The following PLXNA2 variants were observed in gnomAD, a reference collection of about 807,000 sequenced individuals.
The protein encoded by PLXNA2 is plexin A2.
A neutral mutation model predicts 193.5 loss-of-function variants in PLXNA2; 91 were observed. The ratio of observed to expected loss-of-function variants is 0.47; its 90% CI spans 0.40 to 0.56. The LOEUF (loss-of-function observed/expected upper bound fraction) is 0.56, where lower values mean the gene tolerates loss of function less well. PLXNA2 is among the 20% of genes least tolerant of loss of function. The probability of loss-of-function intolerance (pLI) is 0.00; values close to 1 mark genes in which losing one functional copy is unlikely to be tolerated. For synonymous variants in PLXNA2, 997 were observed against 1,027.3 expected, an observed-to-expected ratio of 0.97 and a Z score of 0.56; for missense variants, 1,995 against 2,503.2, an observed-to-expected ratio of 0.80 and a Z score of 4.33.
At chr1:208,138,318 A>G (rs571229654) in intron 4 of PLXNA2, among the ~76,000 whole-genome samples, 2 of 152,236 alleles carry the variant, frequency 1.3e-5, no homozygotes, top group Non-Finnish European at 1.5e-5. Context: ...GTGTTAGATG[A>G]TTTTGCCCAA....
intron 3 of PLXNA2, among the ~76,000 whole-genome samples, chr1:208,202,023 G>A (rs565793912): frequency 4.5e-4 from 67 of 149,358 alleles, no homozygotes; most frequent in African/African-American, 1.6e-3. Flanking sequence ...GTGTCCCCCA[G>A]CTTGGAATGC....
rs547924785 is a variant in PLXNA2, at chr1:208,207,521, C to T, written c.1371+2759G>A. ...CTAAACTTACATACACAGGGACATCCTGTTCCTACAGACCACAGTAGATGA... is the reference window on the plus strand; with the variant it reads ...CTAAACTTACATACACAGGGACATCTTGTTCCTACAGACCACAGTAGATGA... On this transcript the variant is annotated intron_variant, in intron 3 of 31. Transcript: ENST00000367033. Among the ~76,000 whole-genome samples, 5 of 152,336 alleles carry T rather than the reference C, an allele frequency of 3.3e-5. No homozygotes were observed. The South Asian group carries it at 1.0e-3, about 32-fold the overall frequency.
At chr1:208,126,478 A>T (rs953343316) in intron 4 of PLXNA2, among the ~76,000 whole-genome samples, 3 of 152,188 alleles carry the variant, frequency 2.0e-5, no homozygotes, top group African/African-American at 7.2e-5. Flanking sequence ...AGATCTTTTT[A>T]AAAAGATGTT....
intron 3 of PLXNA2, among the ~76,000 whole-genome samples, chr1:208,158,298 C>G (rs938941315): frequency 8.5e-5 from 13 of 152,184 alleles, no homozygotes; most frequent in African/African-American, 3.1e-4. Context: ...TTGTCTCTCT[C>G]CCATCAATCC....
At chr1:208,052,671 G>T (rs759907197) in intron 14 of PLXNA2, among the ~76,000 whole-genome samples, 6 of 152,154 alleles carry the variant, frequency 3.9e-5, no homozygotes, top group Non-Finnish European at 7.4e-5. Context: ...GAAGGCAGAA[G>T]AGTCATGTGG....
chr1:208,128,801 A>C (rs1202533260), intron 4 of PLXNA2, among the ~76,000 whole-genome samples: 2 of 145,328 alleles, frequency 1.4e-5, no homozygotes, highest in Non-Finnish European at 3.0e-5. Flanking sequence ...TCCAGGGTTC[A>C]CACCATTCTC....
chr1:208,110,184 A>C (rs1318762557), intron 4 of PLXNA2, among the ~76,000 whole-genome samples: 1 of 152,154 alleles, frequency 6.6e-6, no homozygotes, highest in Non-Finnish European at 1.5e-5. Flanking sequence ...CCCTCTGGGG[A>C]AAGTCCAGGC....
chr1:208,170,353 G>C (rs1300571410), intron 3 of PLXNA2, among the ~76,000 whole-genome samples: 1 of 152,230 alleles, frequency 6.6e-6, no homozygotes, highest in Non-Finnish European at 1.5e-5. Flanking sequence ...TTTGTGACTG[G>C]AGGCTGGGGA....
At chr1:208,067,948 C>G (rs1665850872) in intron 12 of PLXNA2, among the ~76,000 whole-genome samples, 1 of 152,108 alleles carries the variant, frequency 6.6e-6, no homozygotes, top group Non-Finnish European at 1.5e-5. Context: ...AATGCCTACC[C>G]ATCCTCAAGT....
chr1:208,203,235 G>A (rs958545474), intron 3 of PLXNA2, among the ~76,000 whole-genome samples: 16 of 152,166 alleles, frequency 1.1e-4, no homozygotes, highest in Admixed American at 5.9e-4. Context: ...GCTTGGCGGC[G>A]GGAGCCCGGG....
At position 208,028,129 on chromosome 1, in the gene PLXNA2, G is replaced by A; in HGVS notation, c.5469C>T (p.Ala1823=). ...AGGCATTCATGTCCTGGTCACTGAT[G>A]GCTGGGAGCTTGGCGATGTCTGCGT... ...RYYADIAKLP[A]ISDQDMNAYL... The change falls in exon 31 of 32, where the codon GCC becomes GCT. Residue 1823 remains alanine (A), a synonymous_variant. Coordinates refer to ENST00000367033, the MANE Select transcript of PLXNA2 (RefSeq NM_025179.4). The surrounding 1 kb of genome is among the most constrained non-coding windows in gnomAD (Gnocchi z 4.2). 1 of 1,613,266 alleles carries A rather than the reference G, an allele frequency of 6.2e-7. No individual in the cohort carries two copies. The highest frequency in any genetic ancestry group is 8.5e-7 in the Non-Finnish European group (1 of 1,179,600).
At chr1:208,035,241 G>A (rs754260830) in intron 26 of PLXNA2, among the ~76,000 whole-genome samples, 13 of 152,134 alleles carry the variant, frequency 8.5e-5, no homozygotes, top group Non-Finnish European at 1.0e-4. Flanking sequence ...TTCATACATG[G>A]TAGAGCCAAT....
chr1:208,038,448 C>T lies in PLXNA2; in HGVS notation c.4687G>A (p.Val1563Ile). 6.2e-7 allele frequency: 1 copy of T among 1,614,130 alleles called. No individual in the cohort carries two copies. The highest frequency in any genetic ancestry group is 1.1e-5 in the South Asian group (1 of 91,074). Residue 1563 changes from valine (V) to isoleucine (I), a missense_variant, in exon 26 of 32, where the codon GTC becomes ATC. Val to Ile is a conservative substitution (Grantham distance 29). Around this residue, in one of 3 missense-constraint regions of PLXNA2, gnomAD observed 1,291 missense variants for 1,673.6 expected, o/e 0.77. Coordinates refer to ENST00000367033, the MANE Select transcript of PLXNA2 (RefSeq NM_025179.4). This position sits in a 1 kb window ranked among gnomAD's most constrained non-coding sequence, Gnocchi z 4.1. The stretch of plus-strand genomic sequence containing the variant: ...GTGATGTCCTCATCTTGCAGCACGA[C>T]CCGGGCGATCCGGCCTTGGCGCCAC... The part of the protein sequence containing the change: ...LEWRQGRIAR[V>I]VLQDEDITTK...
At chr1:208,235,279 G>C (rs1671817995) in intron 1 of PLXNA2, among the ~76,000 whole-genome samples, 1 of 152,162 alleles carries the variant, frequency 6.6e-6, no homozygotes, top group East Asian at 1.9e-4. Context: ...TTAGCATAGA[G>C]ATTTTCTTTA....
intron 1 of PLXNA2, among the ~76,000 whole-genome samples, chr1:208,227,367 C>T (rs1173325423): frequency 1.3e-5 from 2 of 152,208 alleles, no homozygotes; most frequent in Non-Finnish European, 2.9e-5. Context: ...TGACTATCCC[C>T]ATTTCACAGA....
In PLXNA2 at chr1:208,039,765, C is replaced by A; in HGVS notation, c.4356G>T (p.Glu1452Asp). ...FAFLLHKFLKECAGEPLFMLY... is the reference protein window; with the variant it reads ...FAFLLHKFLKDCAGEPLFMLY... Reference sequence around the variant, plus strand: ...GCATGAAGAGTGGCTCCCCTGCGCACTCCTGTGGGCACAGACAGGGCAGGA... The same window carrying A: ...GCATGAAGAGTGGCTCCCCTGCGCAATCCTGTGGGCACAGACAGGGCAGGA... Residue 1452 changes from glutamate (E) to aspartate (D), a missense_variant and splice_region_variant, in exon 24 of 32, where the codon GAG (glutamate) becomes GAT (aspartate). Physicochemically the swap from Glu to Asp is conservative, Grantham distance 45. Around this residue, in one of 3 missense-constraint regions of PLXNA2, gnomAD observed 1,291 missense variants for 1,673.6 expected, o/e 0.77. Transcript: ENST00000367033. 1 of 1,614,112 alleles carries A rather than the reference C, an allele frequency of 6.2e-7. No homozygotes were observed. Among genetic ancestry groups the A allele is most frequent in the Non-Finnish European group, 8.5e-7 (1 of 1,180,026 alleles).
At chr1:208,075,749 C>T (rs1021998843) in intron 12 of PLXNA2, among the ~76,000 whole-genome samples, 3 of 151,798 alleles carry the variant, frequency 2.0e-5, no homozygotes, top group African/African-American at 7.3e-5. Flanking sequence ...GCTTTTCTCT[C>T]TATTTATTTA....
intron 11 of PLXNA2, among the ~76,000 whole-genome samples, chr1:208,081,713 A>G (rs1470896829): frequency 6.6e-6 from 1 of 152,180 alleles, no homozygotes; most frequent in Non-Finnish European, 1.5e-5. Flanking sequence ...TAAGGAAAAT[A>G]ATCTCTAATA....
chr1:208,200,452 T>C (rs1670508240), intron 3 of PLXNA2, among the ~76,000 whole-genome samples: 1 of 152,154 alleles, frequency 6.6e-6, no homozygotes, highest in Non-Finnish European at 1.5e-5. Context: ...CACCCTGAAG[T>C]ATTTGTCGTT....
Sources: allele counts gnomAD v4.1 joint callset (sites outside exome capture counted in the v4.1 genomes callset), GRCh38; gene constraint gnomAD v4.1.1; regional missense constraint gnomAD v4.1.1; non-coding constraint Gnocchi (gnomAD v3.1); transcripts MANE v1.5; gene names NCBI Gene and HGNC (gene_info 2026-07-23, HGNC 2026-07-21).